NEK11: variants seen among roughly 807,000 people sequenced by gnomAD.
NEK11 encodes serine/threonine-protein kinase Nek11.
A neutral mutation model predicts 80.7 loss-of-function variants in NEK11; 72 were observed. That is an observed-to-expected ratio of 0.89 (90% CI 0.74 to 1.08). The LOEUF (loss-of-function observed/expected upper bound fraction) is 1.08. NEK11 is among the 50% of genes least tolerant of loss of function. The pLI is 0.00. For missense variants in NEK11, 764 were observed against 763.6 expected (o/e 1.00, Z -0.01); for synonymous variants, 251 against 260.7 (o/e 0.96, Z 0.36).
At chr3:131,102,280 A>G (rs1482678190) in intron 4 of NEK11, among the ~76,000 whole-genome samples, 4 of 152,192 alleles carry the variant, frequency 2.6e-5, no homozygotes, top group Non-Finnish European at 5.9e-5. Context: ...CCTGTGGGCT[A>G]TGTGCCTATG....
intron 15 of NEK11, among the ~76,000 whole-genome samples, chr3:131,232,286 C>T (rs778809617): frequency 2.6e-5 from 4 of 152,122 alleles, no homozygotes; most frequent in Admixed American, 6.5e-5. Flanking sequence ...GTGTTTTATG[C>T]GCTCTAATGG....
chr3:131,211,422 T>G (rs566030573), intron 14 of NEK11, among the ~76,000 whole-genome samples: 34 of 152,314 alleles, frequency 2.2e-4, no homozygotes, highest in African/African-American at 7.9e-4. Flanking sequence ...ATTTCAACTT[T>G]GGTGAATCTG....
At position 131,026,904 on chromosome 3, in the gene NEK11, T is replaced by G. The variant is rs984533752; in HGVS notation, c.-272T>G. The G allele has an allele frequency of 6.6e-6, 1 of 152,186 alleles. No homozygotes were observed. 9.4% of individuals were successfully genotyped at this position (152,186 alleles called of 1,614,324 possible). A position where few individuals can be genotyped will look rare whatever the true frequency, so the allele number is the denominator to read the frequency against. ...GGTTCCAAACAGCCGTGGCCCGCGG[T>G]GTCTGGCGCTCGGTGGGTGTGGTTG... On this transcript the variant is annotated 5_prime_UTR_variant, in exon 1 of 18. Transcript: ENST00000383366.
intron 15 of NEK11, among the ~76,000 whole-genome samples, chr3:131,240,826 G>T (rs755580227): frequency 2.0e-5 from 3 of 152,082 alleles, no homozygotes; most frequent in African/African-American, 7.2e-5. Flanking sequence ...AGATCATCTG[G>T]ATTATTTTGT....
chr3:131,331,570 A>C (rs2097083241), intron 17 of NEK11, among the ~76,000 whole-genome samples: 2 of 152,224 alleles, frequency 1.3e-5, no homozygotes, highest in Admixed American at 1.3e-4. Context: ...CATCTGAGGT[A>C]CCAGGTTCAT....
At chr3:131,085,291 A>C (rs1286447690) in intron 4 of NEK11, among the ~76,000 whole-genome samples, 1 of 152,202 alleles carries the variant, frequency 6.6e-6, no homozygotes, top group African/African-American at 2.4e-5. Flanking sequence ...TGCCTTATGA[A>C]CTTGAAGTTC....
intron 14 of NEK11, among the ~76,000 whole-genome samples, chr3:131,188,298 C>T (rs948676832): frequency 2.6e-5 from 4 of 152,064 alleles, no homozygotes; most frequent in Admixed American, 2.6e-4. Flanking sequence ...TTTCTTTTTC[C>T]TCTAAAAGAT....
intron 17 of NEK11, among the ~76,000 whole-genome samples, chr3:131,293,570 G>C (rs1444194083): frequency 6.6e-6 from 1 of 151,930 alleles, no homozygotes; most frequent in Admixed American, 6.6e-5. Context: ...AACATCTTTG[G>C]TTTTGGTTTT....
chr3:131,096,533 G>C (rs192695161), intron 4 of NEK11, among the ~76,000 whole-genome samples: 2 of 151,742 alleles, frequency 1.3e-5, no homozygotes, highest in African/African-American at 4.8e-5. Context: ...TTTTCCTTTG[G>C]GTATATTCAC....
At chr3:131,235,805 A>G (rs961270242) in intron 15 of NEK11, among the ~76,000 whole-genome samples, 11 of 152,206 alleles carry the variant, frequency 7.2e-5, no homozygotes, top group Admixed American at 5.9e-4. Context: ...ACCCCATCCA[A>G]TGACAGAGCT....
At chr3:131,062,688 T>G (rs1015611773) in intron 3 of NEK11, among the ~76,000 whole-genome samples, 6 of 152,224 alleles carry the variant, frequency 3.9e-5, no homozygotes, top group Non-Finnish European at 8.8e-5. Flanking sequence ...ACTGTTTTCG[T>G]CTGGCTTCCT....
At chr3:131,189,577 C>T (rs948642323) in intron 14 of NEK11, among the ~76,000 whole-genome samples, 4 of 152,290 alleles carry the variant, frequency 2.6e-5, no homozygotes, top group South Asian at 4.2e-4. Context: ...TTGGTGATTA[C>T]GTTTCAACAT....
chr3:131,063,033 G>A (rs2071192274), intron 3 of NEK11, among the ~76,000 whole-genome samples: 1 of 152,154 alleles, frequency 6.6e-6, no homozygotes, highest in Admixed American at 6.5e-5. Flanking sequence ...TATTATTTTT[G>A]TTATTTTAAG....
At chr3:131,246,158 A>C (rs566696330) in intron 16 of NEK11, among the ~76,000 whole-genome samples, 16 of 152,034 alleles carry the variant, frequency 1.1e-4, no homozygotes, top group Non-Finnish European at 2.4e-4. Context: ...TGGCCACATG[A>C]ATAAGTTCTT....
At chr3:131,326,534 T>C (rs2096969589) in intron 17 of NEK11, among the ~76,000 whole-genome samples, 1 of 152,186 alleles carries the variant, frequency 6.6e-6, no homozygotes, top group Admixed American at 6.5e-5. Context: ...GTATGACTCA[T>C]CTTTATGATT....
intron 17 of NEK11, among the ~76,000 whole-genome samples, chr3:131,303,753 C>A (rs1043932754): frequency 6.6e-6 from 1 of 152,066 alleles, no homozygotes; most frequent in Non-Finnish European, 1.5e-5. Flanking sequence ...TCGTAGGTGA[C>A]CTGTCCCTTC....
chr3:131,103,326 A>G (rs894027559), intron 4 of NEK11, among the ~76,000 whole-genome samples: 3 of 152,170 alleles, frequency 2.0e-5, no homozygotes, highest in African/African-American at 7.2e-5. Context: ...TAAATTGAGT[A>G]TAGTTAGTTG....
rs1025270280 is a variant in NEK11 at position 131,027,927 on chromosome 3, A to G, written c.-169-3A>G. On this transcript the variant is annotated splice_polypyrimidine_tract_variant and splice_region_variant and intron_variant, in intron 1 of 17. Coordinates refer to ENST00000383366, the MANE Select transcript of NEK11 (RefSeq NM_024800.5). ...CGTCCCTAATTCTGTCCTTCTCTAAAAGGAACCTTAATCTCATCTTTAAAA... is the reference window on the plus strand; with the variant it reads ...CGTCCCTAATTCTGTCCTTCTCTAAGAGGAACCTTAATCTCATCTTTAAAA... 6.6e-6 allele frequency: 1 copy of G among 152,186 alleles called. No individual in the cohort carries two copies. Among genetic ancestry groups the G allele is most frequent in the Admixed American group, 6.5e-5 (1 of 15,284 alleles). 9.4% of individuals were successfully genotyped at this position (152,186 alleles called of 1,614,324 possible). A position where few individuals can be genotyped will look rare whatever the true frequency, so the allele number is the denominator to read the frequency against.
At chr3:131,151,397 A>G (rs1455865985) in intron 7 of NEK11, among the ~76,000 whole-genome samples, 4 of 152,092 alleles carry the variant, frequency 2.6e-5, no homozygotes, top group South Asian at 2.1e-4. Context: ...CTCAGTGTAC[A>G]TATCCAAAAT....
Sources: allele counts gnomAD v4.1 joint callset (sites outside exome capture counted in the v4.1 genomes callset), GRCh38; gene constraint gnomAD v4.1.1; transcripts MANE v1.5; gene names NCBI Gene and HGNC (gene_info 2026-07-23, HGNC 2026-07-21).